The following PDGFB variants were observed in gnomAD, a reference collection of about 807,000 sequenced individuals.
PDGFB encodes the protein platelet derived growth factor subunit B, also known as platelet-derived growth factor subunit B.
Under a neutral mutation model 29.0 loss-of-function variants are expected in PDGFB, and 6 were observed. That is an observed-to-expected ratio of 0.21 (90% CI 0.11 to 0.41). PDGFB has a LOEUF of 0.41. Among genes scored for constraint, PDGFB ranks in the 10% least tolerant of loss-of-function variants. The probability of loss-of-function intolerance (pLI) is 1.00; values close to 1 mark genes in which losing one functional copy is unlikely to be tolerated. For missense variants in PDGFB, 299 were observed against 341.8 expected, an observed-to-expected ratio of 0.87 and a Z score of 0.99; for synonymous variants, 144 against 140.8, an observed-to-expected ratio of 1.02 and a Z score of -0.16.
At chr22:39,236,398 G>A (rs769096063) in intron 1 of PDGFB, among the ~76,000 whole-genome samples, 18 of 152,292 alleles carry the variant, frequency 1.2e-4, no homozygotes, top group Admixed American at 2.6e-4. Flanking sequence ...CTTAATAAAC[G>A]CGTGCAGAGT....
intron 4 of PDGFB, among the ~76,000 whole-genome samples, chr22:39,230,536 C>T (rs1932275298): frequency 6.6e-6 from 1 of 152,186 alleles, no homozygotes; most frequent in Non-Finnish European, 1.5e-5. Flanking sequence ...ATTCCCGGAG[C>T]GCCAGCCAAG....
chr22:39,240,768 T>C, intron 1 of PDGFB: 3 of 1,475,268 alleles, frequency 2.0e-6, no homozygotes, highest in Non-Finnish European at 2.8e-6. Context: ...TAATAAACAA[T>C]GAAATAAACC....
At position 39,243,692 on chromosome 22, in the gene PDGFB, G is replaced by T. The variant is rs13306694; in HGVS notation, c.63+209C>A. On this transcript the variant is annotated intron_variant, in intron 1 of 6. Transcript: ENST00000331163. This position sits in a 1 kb window ranked among gnomAD's most constrained non-coding sequence, Gnocchi z 6.4. ...GCTTAGGGAGCCAGATTCGCCCGCC[G>T]GTTGGAAAGAAAGCCACCGCTGTTG... 6.6e-6 allele frequency among the ~76,000 whole-genome samples: 1 copy of T among 152,140 alleles called. No individual in the cohort carries two copies. The highest frequency in any genetic ancestry group is 1.9e-4 in the East Asian group (1 of 5,184).
At position 39,243,252 on chromosome 22, in the gene PDGFB, G is replaced by GTCTCTCTCTC. The variant is rs79409466; in HGVS notation, c.63+639_63+648dup. ...CCTCTCTCTCTCCGTCTCTCTCTCC[G>GTCTCTCTCTC]TCTCTCTCTCTCTCTCTCTCTTTCT... On this transcript the variant is annotated intron_variant, in intron 1 of 6. Transcript: ENST00000331163. This position sits in a 1 kb window ranked among gnomAD's most constrained non-coding sequence, Gnocchi z 6.4. Among the ~76,000 whole-genome samples, 6 of 143,892 alleles carry GTCTCTCTCTC rather than the reference G, an allele frequency of 4.2e-5. No homozygotes were observed. Among genetic ancestry groups the GTCTCTCTCTC allele is most frequent in the African/African-American group, 1.4e-4 (5 of 36,910 alleles). The allele number at this position is 143,892 out of a possible 152,430, so 94.4% of individuals were successfully genotyped here.
rs575332978 is a variant in PDGFB, at chr22:39,231,554, T to C, written c.456+68A>G. On this transcript the variant is annotated intron_variant, in intron 4 of 6. Transcript: ENST00000331163. This position sits in a 1 kb window ranked among gnomAD's most constrained non-coding sequence, Gnocchi z 4.3. ...CCAGTCAAGGAAGCCTGGTCAGGTA[T>C]GAGCCCCAGAAGGGTGGTCTCCACC... 8.5e-7 allele frequency: 1 copy of C among 1,176,718 alleles called. No homozygotes were observed. The highest frequency in any genetic ancestry group is 1.5e-5 in the South Asian group (1 of 68,570). 72.9% of individuals were successfully genotyped at this position (1,176,718 alleles called of 1,614,324 possible). A position where few individuals can be genotyped will look rare whatever the true frequency, so the allele number is the denominator to read the frequency against.
At chr22:39,240,802 G>A in intron 1 of PDGFB, 2 of 1,600,302 alleles carry the variant, frequency 1.2e-6, no homozygotes, top group Non-Finnish European at 1.7e-6. Flanking sequence ...AGTTGTCACA[G>A]AAGAGGCTCC....
chr22:39,225,662 T>C (rs1932146011), intron 6 of PDGFB, 33 bp downstream of exon 6: 1 of 1,576,444 alleles, frequency 6.3e-7, no homozygotes, highest in Non-Finnish European at 8.6e-7. Flanking sequence ...AAACACAGGA[T>C]TCTGGGCCTC....
At chr22:39,229,983 C>T in intron 5 of PDGFB, 101 bp downstream of exon 5, 1 of 1,347,214 alleles carries the variant, frequency 7.4e-7, no homozygotes, top group Non-Finnish European at 1.0e-6. Context: ...GTGAATTTAA[C>T]CGGGGGCGGG....
chr22:39,236,013 G>C (rs1017153208), intron 1 of PDGFB, 139 bp from the exon 2 acceptor site: 2 of 645,652 alleles, frequency 3.1e-6, no homozygotes, highest in African/African-American at 3.6e-5. Context: ...CAGGATCCAG[G>C]CCTGATGATC....
intron 4 of PDGFB, among the ~76,000 whole-genome samples, chr22:39,230,556 G>T (rs1265000615): frequency 6.6e-6 from 1 of 152,262 alleles, no homozygotes; most frequent in Non-Finnish European, 1.5e-5. Context: ...GGTCAGGGCT[G>T]CGGCAGAGGC....
intron 1 of PDGFB, among the ~76,000 whole-genome samples, chr22:39,237,815 T>C (rs1365304859): frequency 6.6e-6 from 1 of 152,192 alleles, no homozygotes; most frequent in South Asian, 2.1e-4. Context: ...CTGGCTCTCA[T>C]CTGTGAATCG....
intron 1 of PDGFB, among the ~76,000 whole-genome samples, chr22:39,236,925 C>A (rs865920398): frequency 7.8e-4 from 118 of 152,098 alleles, no homozygotes; most frequent in African/African-American, 2.8e-3. Context: ...CTGGAGAGGG[C>A]ATCAATAGGC....
intron 5 of PDGFB, among the ~76,000 whole-genome samples, chr22:39,227,919 T>G (rs908185626): frequency 1.3e-5 from 2 of 152,152 alleles, no homozygotes; most frequent in African/African-American, 4.8e-5. Flanking sequence ...TGAATGGGCT[T>G]CAGATCCCCT....
chr22:39,234,580 T>C (rs1348574667), intron 2 of PDGFB, among the ~76,000 whole-genome samples: 1 of 152,232 alleles, frequency 6.6e-6, no homozygotes, highest in Non-Finnish European at 1.5e-5. Flanking sequence ...GGGAGTCTGA[T>C]GACTAGTCCG....
At chr22:39,228,441 T>C (rs891567783) in intron 5 of PDGFB, among the ~76,000 whole-genome samples, 2 of 151,492 alleles carry the variant, frequency 1.3e-5, no homozygotes, top group Non-Finnish European at 2.9e-5. Flanking sequence ...CTTAAAATAT[T>C]AGCTGGACGT....
At position 39,244,628 on chromosome 22, in the gene PDGFB, C is replaced by T; in HGVS notation, c.-665G>A. On this transcript the variant is annotated 5_prime_UTR_variant, in exon 1 of 7. Transcript: ENST00000331163. This position sits in a 1 kb window ranked among gnomAD's most constrained non-coding sequence, Gnocchi z 4.5. Reference sequence around the variant, plus strand: ...CGGCTGCTCCGCGCGCGCGGCGTGCCCGCTGCGCGCTCGGCTGGGCCCGGC... The same window carrying T: ...CGGCTGCTCCGCGCGCGCGGCGTGCTCGCTGCGCGCTCGGCTGGGCCCGGC... The T allele has an allele frequency of 6.5e-6, 1 of 154,564 alleles. No individual in the cohort carries two copies. The highest frequency in any genetic ancestry group is 1.5e-4 in the East Asian group (1 of 6,844). The allele number at this position is 154,564 out of a possible 1,614,324, so 9.6% of individuals were successfully genotyped here.
intron 5 of PDGFB, among the ~76,000 whole-genome samples, chr22:39,228,895 T>A (rs6001509): frequency 0.6 from 70,238 of 117,102 alleles, 19,584 homozygotes; most frequent in East Asian, 0.83. Flanking sequence ...TCAAAAAAAA[T>A]ATATATATAT....
chr22:39,232,651 A>G (rs918025282), intron 3 of PDGFB, among the ~76,000 whole-genome samples: 2 of 151,984 alleles, frequency 1.3e-5, no homozygotes, highest in Non-Finnish European at 2.9e-5. Flanking sequence ...CACCACGCCC[A>G]GCTAATTTTT....
chr22:39,236,918 G>T (rs1402088990), intron 1 of PDGFB, among the ~76,000 whole-genome samples: 1 of 152,158 alleles, frequency 6.6e-6, no homozygotes, highest in East Asian at 1.9e-4. Flanking sequence ...GACAGTCCTG[G>T]AGAGGGCATC....
Sources: allele counts gnomAD v4.1 joint callset (sites outside exome capture counted in the v4.1 genomes callset), GRCh38; gene constraint gnomAD v4.1.1; non-coding constraint Gnocchi (gnomAD v3.1); transcripts MANE v1.5; gene names NCBI Gene and HGNC (gene_info 2026-07-23, HGNC 2026-07-21).